Variants in PLXDC2 observed in about 807,000 individuals in gnomAD.
PLXDC2 encodes the protein plexin domain-containing protein 2.
A neutral mutation model predicts 68.9 loss-of-function variants in PLXDC2; 40 were observed. That is an observed-to-expected ratio of 0.58 (90% CI 0.45 to 0.76). The LOEUF is 0.76. Ranked by LOEUF, PLXDC2 falls within the 30% of genes least tolerant of loss-of-function variation. The pLI is 0.00. For missense variants in PLXDC2, 644 were observed against 661.9 expected (o/e 0.97, Z 0.30); for synonymous variants, 243 against 234.2 (o/e 1.04, Z -0.34).
intron 1 of PLXDC2, among the ~76,000 whole-genome samples, chr10:19,865,381 T>G (rs1837394597): frequency 6.6e-6 from 1 of 152,218 alleles, no homozygotes; most frequent in Admixed American, 6.5e-5. Context: ...GAAATGTATT[T>G]TTCTACATGA....
chr10:20,159,912 C>T (rs1454880191), intron 6 of PLXDC2, among the ~76,000 whole-genome samples: 2 of 152,170 alleles, frequency 1.3e-5, no homozygotes, highest in African/African-American at 4.8e-5. Context: ...TCTCTTCTCT[C>T]CTAGAGATCC....
At chr10:20,168,050 C>G (rs1034815686) in intron 7 of PLXDC2, among the ~76,000 whole-genome samples, 6 of 151,948 alleles carry the variant, frequency 3.9e-5, no homozygotes, top group African/African-American at 1.5e-4. Flanking sequence ...CTGATAGTTT[C>G]AATATCAAAG....
chr10:20,009,583 G>A (rs1177395761), intron 2 of PLXDC2, among the ~76,000 whole-genome samples: 2 of 151,782 alleles, frequency 1.3e-5, no homozygotes, highest in Non-Finnish European at 2.9e-5. Flanking sequence ...GCATGTGAAA[G>A]CACGTAATTG....
chr10:20,047,708 C>A (rs193247756), intron 3 of PLXDC2, among the ~76,000 whole-genome samples: 1 of 152,078 alleles, frequency 6.6e-6, no homozygotes, highest in East Asian at 1.9e-4. Flanking sequence ...AGCCTGAATG[C>A]TCAAATGCAT....
At chr10:19,882,694 A>G (rs1426099613) in intron 1 of PLXDC2, among the ~76,000 whole-genome samples, 1 of 152,228 alleles carries the variant, frequency 6.6e-6, no homozygotes, top group Non-Finnish European at 1.5e-5. Flanking sequence ...CTCTGAACGA[A>G]TAGATGAGAT....
chr10:19,955,334 C>T (rs1472477292), intron 1 of PLXDC2, among the ~76,000 whole-genome samples: 1 of 151,860 alleles, frequency 6.6e-6, no homozygotes, highest in Non-Finnish European at 1.5e-5. Context: ...CACCCAGCCT[C>T]TTTCCTGGAT....
At chr10:20,260,059 C>T (rs965098595) in intron 13 of PLXDC2, among the ~76,000 whole-genome samples, 3 of 152,126 alleles carry the variant, frequency 2.0e-5, no homozygotes, top group South Asian at 2.1e-4. Flanking sequence ...ATATCAGGTA[C>T]TCTTTTTTAT....
intron 4 of PLXDC2, among the ~76,000 whole-genome samples, chr10:20,122,460 CAGAG>C (rs2131762701): frequency 6.6e-6 from 1 of 152,312 alleles, no homozygotes; most frequent in South Asian, 2.1e-4. Flanking sequence ...GGGAAGGAGT[CAGAG>C]AGCCTTCGGC....
intron 13 of PLXDC2, among the ~76,000 whole-genome samples, chr10:20,264,260 A>G (rs940443465): frequency 6.6e-6 from 1 of 152,228 alleles, no homozygotes; most frequent in Non-Finnish European, 1.5e-5. Context: ...TGGGAGCTAA[A>G]TGATAAGAAC....
At chr10:20,018,509 A>T (rs992244056) in intron 2 of PLXDC2, among the ~76,000 whole-genome samples, 1 of 152,214 alleles carries the variant, frequency 6.6e-6, no homozygotes, top group Non-Finnish European at 1.5e-5. Flanking sequence ...AGAGTTTCCA[A>T]GATCATGTTC....
chr10:19,919,258 A>G (rs1833419451), intron 1 of PLXDC2, among the ~76,000 whole-genome samples: 1 of 152,238 alleles, frequency 6.6e-6, no homozygotes, highest in Non-Finnish European at 1.5e-5. Flanking sequence ...AATCCATCTT[A>G]TAAACACTTT....
chr10:20,217,680 C>A, intron 11 of PLXDC2, 104 bp downstream of exon 11: 1 of 1,272,136 alleles, frequency 7.9e-7, no homozygotes, highest in Non-Finnish European at 1.0e-6. Context: ...CTCCTACTCT[C>A]TAGGTCTCTC....
At chr10:20,191,864 G>C (rs10827992) in intron 9 of PLXDC2, among the ~76,000 whole-genome samples, 1 of 151,700 alleles carries the variant, frequency 6.6e-6, no homozygotes, top group African/African-American at 2.4e-5. Context: ...AAGAAAGGAC[G>C]GGAGGGCTGT....
intron 1 of PLXDC2, among the ~76,000 whole-genome samples, chr10:19,980,622 A>G (rs1834536347): frequency 6.6e-6 from 1 of 152,226 alleles, no homozygotes; most frequent in South Asian, 2.1e-4. Flanking sequence ...TAGTCAAGTC[A>G]TCTATGTGTA....
chr10:20,192,929 G>A (rs928232173), intron 9 of PLXDC2, among the ~76,000 whole-genome samples: 6 of 152,082 alleles, frequency 3.9e-5, no homozygotes, highest in South Asian at 2.1e-4. Context: ...TGAATGATGA[G>A]AATCAGATTA....
At chr10:20,268,502 C>T (rs1835898019) in intron 13 of PLXDC2, among the ~76,000 whole-genome samples, 2 of 152,074 alleles carry the variant, frequency 1.3e-5, no homozygotes, top group African/African-American at 4.8e-5. Context: ...GAATAGTGTC[C>T]ACTCTTGGAT....
chr10:20,246,364 TG>T (rs1245490392), intron 13 of PLXDC2, among the ~76,000 whole-genome samples: 14 of 152,238 alleles, frequency 9.2e-5, no homozygotes, highest in African/African-American at 2.4e-4. Context: ...TTTGTTTGTT[TG>T]TTTCTTGACA....
At chr10:20,266,216 T>C (rs1399844670) in intron 13 of PLXDC2, among the ~76,000 whole-genome samples, 6 of 152,164 alleles carry the variant, frequency 3.9e-5, no homozygotes, top group African/African-American at 1.4e-4. Context: ...TGAATATTTC[T>C]TTGTTTAGAA....
At chr10:20,213,619 C>A (rs72795917) in intron 10 of PLXDC2, among the ~76,000 whole-genome samples, 97 of 152,170 alleles carry the variant, frequency 6.4e-4, no homozygotes, top group Non-Finnish European at 1.2e-3. Flanking sequence ...AATTAGATCA[C>A]ATTTCCTAAT....
Sources: gnomAD v4.1 joint callset for allele counts (sites outside exome capture counted in the v4.1 genomes callset) on GRCh38, gnomAD v4.1.1 for gene constraint, MANE v1.5 for transcripts, NCBI Gene and HGNC (gene_info 2026-07-23, HGNC 2026-07-21) for gene names.